RFX3: variants seen among roughly 807,000 people sequenced by gnomAD.
RFX3 encodes transcription factor RFX3.
In RFX3, 14 loss-of-function variants were observed where a neutral mutation model predicts 98.6. The ratio of observed to expected loss-of-function variants is 0.14; its 90% CI spans 0.09 to 0.22. RFX3 has a LOEUF of 0.22. Among genes scored for constraint, RFX3 ranks in the 10% least tolerant of loss-of-function variants. RFX3 has a pLI of 1.00. For missense variants in RFX3, 639 were observed against 926.9 expected, an observed-to-expected ratio of 0.69 and a Z score of 4.03; for synonymous variants, 383 against 328.4, an observed-to-expected ratio of 1.17 and a Z score of -1.80.
chr9:3,481,550 T>C (rs980781174), intron 1 of RFX3, among the ~76,000 whole-genome samples: 1 of 151,688 alleles, frequency 6.6e-6, no homozygotes, highest in African/African-American at 2.4e-5. Context: ...GATCATGTTA[T>C]AATGTGGGGA....
At chr9:3,369,802 A>C (rs942926267) in intron 2 of RFX3, among the ~76,000 whole-genome samples, 1 of 152,122 alleles carries the variant, frequency 6.6e-6, no homozygotes, top group Non-Finnish European at 1.5e-5. Context: ...AATTAGATTT[A>C]CAGAGCAGTT....
At chr9:3,407,613 A>G (rs1842082279) in intron 1 of RFX3, among the ~76,000 whole-genome samples, 1 of 152,108 alleles carries the variant, frequency 6.6e-6, no homozygotes, top group African/African-American at 2.4e-5. Context: ...ATATGACAAC[A>G]ATTTAGATGT....
intron 2 of RFX3, among the ~76,000 whole-genome samples, chr9:3,347,412 T>C (rs945213554): frequency 3.9e-4 from 59 of 152,228 alleles, no homozygotes; most frequent in African/African-American, 1.4e-3. Flanking sequence ...TTAAGAACAA[T>C]TCATAATAGA....
intron 5 of RFX3, 26 bp from the exon 6 acceptor site, chr9:3,293,284 C>A (rs375982476): frequency 7.1e-6 from 11 of 1,539,302 alleles, no homozygotes; most frequent in South Asian, 1.3e-5. Flanking sequence ...ACAATAAACA[C>A]AGACAAATCA....
At chr9:3,505,926 A>C (rs946947864) in intron 1 of RFX3, among the ~76,000 whole-genome samples, 10 of 151,886 alleles carry the variant, frequency 6.6e-5, no homozygotes, top group Non-Finnish European at 1.3e-4. Context: ...AAGAATGATC[A>C]GTTTTATTCA....
chr9:3,400,890 C>G (rs1181505774), intron 1 of RFX3, among the ~76,000 whole-genome samples: 3 of 152,134 alleles, frequency 2.0e-5, no homozygotes, highest in Non-Finnish European at 4.4e-5. Context: ...AAAAGCCACA[C>G]AACTAGTAAG....
intron 1 of RFX3, among the ~76,000 whole-genome samples, chr9:3,420,563 A>G (rs1413728578): frequency 6.6e-6 from 1 of 152,216 alleles, no homozygotes; most frequent in Non-Finnish European, 1.5e-5. Flanking sequence ...AGACTTGTCT[A>G]AGGTCATTTT....
Position 3,505,286 on chromosome 9 carries a change from T to TAA in RFX3, c.-9+20460_-9+20461insTT, listed in dbSNP as rs1564187100. ...TTTATATATATATGAATATATACAT[T>TAA]TTTATATTTATATATATATAAATAT... On this transcript the variant is annotated intron_variant, in intron 1 of 16. Transcript: ENST00000617270. Among the ~76,000 whole-genome samples the TAA allele has an allele frequency of 1.1e-3, 66 of 62,374 alleles. 7 individuals are homozygous for TAA. Among genetic ancestry groups the TAA allele is most frequent in the African/African-American group, 5.0e-3 (53 of 10,558 alleles). The allele number at this position is 62,374 out of a possible 152,430, so 40.9% of individuals were successfully genotyped here. A position where few individuals can be genotyped will look rare whatever the true frequency, so the allele number is the denominator to read the frequency against.
chr9:3,426,666 G>C (rs1276727364), intron 1 of RFX3, among the ~76,000 whole-genome samples: 6 of 152,150 alleles, frequency 3.9e-5, no homozygotes, highest in Non-Finnish European at 8.8e-5. Context: ...AAACCCTGTT[G>C]TGAACTGCCC....
At chr9:3,226,234 C>T (rs1235084691) in intron 16 of RFX3, among the ~76,000 whole-genome samples, 1 of 152,140 alleles carries the variant, frequency 6.6e-6, no homozygotes, top group Non-Finnish European at 1.5e-5. Context: ...GAATGTGCAA[C>T]AAGTATCTCT....
intron 2 of RFX3, among the ~76,000 whole-genome samples, chr9:3,393,664 G>A (rs1231705614): frequency 4.0e-5 from 6 of 151,630 alleles, no homozygotes; most frequent in Admixed American, 6.6e-5. Context: ...ATTGGTGATG[G>A]CATTAATAAT....
In RFX3 at chr9:3,257,140, G is replaced by C. The variant is rs1434363380; in HGVS notation, c.1665C>G (p.Asp555Glu). Residue 555 changes from aspartate (D) to glutamate (E), a missense_variant, in exon 14 of 17, where the codon GAC (aspartate) becomes GAG (glutamate). Coordinates refer to ENST00000617270, the MANE Select transcript of RFX3 (RefSeq NM_001282116.2). ...DDNMVQRLET[D>E]FKMTLQQQST... is the part of the protein sequence containing the mutation. ...TCTGCTGCTGAAGAGTCATCTTGAA[G>C]TCTGTTTCTAGTCTCTGAACCATGT... The C allele has an allele frequency of 1.2e-6, 2 of 1,613,998 alleles. No homozygotes were observed. Among genetic ancestry groups the C allele is most frequent in the Non-Finnish European group, 1.7e-6 (2 of 1,179,976 alleles).
At chr9:3,415,171 T>TTATA (rs374414473) in intron 1 of RFX3, among the ~76,000 whole-genome samples, 4,398 of 136,766 alleles carry the variant, frequency 0.032, 98 homozygotes, top group Non-Finnish European at 0.051. Context: ...ATATATATAC[T>TTATA]TATATATATA....
At chr9:3,339,426 G>T (rs72699062) in intron 3 of RFX3, among the ~76,000 whole-genome samples, 1 of 152,094 alleles carries the variant, frequency 6.6e-6, no homozygotes, top group Non-Finnish European at 1.5e-5. Flanking sequence ...GTTAAGTCTC[G>T]AAAGTTTTTC....
At chr9:3,227,529 C>T (rs541202094) in intron 16 of RFX3, among the ~76,000 whole-genome samples, 1 of 152,170 alleles carries the variant, frequency 6.6e-6, no homozygotes, top group Non-Finnish European at 1.5e-5. Flanking sequence ...TTAGGCGCTA[C>T]AGGAGTTTAC....
chr9:3,353,052 A>G (rs977012552), intron 2 of RFX3, among the ~76,000 whole-genome samples: 1 of 152,094 alleles, frequency 6.6e-6, no homozygotes, highest in Admixed American at 6.6e-5. Context: ...TTGTAGGGAC[A>G]TGGATGAAAC....
intron 1 of RFX3, among the ~76,000 whole-genome samples, chr9:3,509,133 C>T (rs989780974): frequency 4.6e-5 from 7 of 151,964 alleles, no homozygotes; most frequent in Admixed American, 1.3e-4. Context: ...AGCATAGTTG[C>T]CAGTATTGCG....
chr9:3,427,970 T>C (rs989924016), intron 1 of RFX3, among the ~76,000 whole-genome samples: 1 of 152,066 alleles, frequency 6.6e-6, no homozygotes, highest in African/African-American at 2.4e-5. Flanking sequence ...CTGTTTCTGC[T>C]TGGACTCCAA....
intron 1 of RFX3, among the ~76,000 whole-genome samples, chr9:3,439,848 C>T (rs1234252365): frequency 6.6e-6 from 1 of 151,970 alleles, no homozygotes; most frequent in Non-Finnish European, 1.5e-5. Context: ...CAATACTTCT[C>T]ATGTACATAA....
Sources: allele counts gnomAD v4.1 joint callset (sites outside exome capture counted in the v4.1 genomes callset), GRCh38; gene constraint gnomAD v4.1.1; transcripts MANE v1.5; gene names NCBI Gene and HGNC (gene_info 2026-07-23, HGNC 2026-07-21).